HBS1L: variants seen among roughly 807,000 people sequenced by gnomAD.
HBS1L encodes HBS1-like protein.
HBS1L carries 55 observed loss-of-function variants against 88.9 expected under a neutral mutation model. The observed-to-expected ratio is 0.62, with a 90% CI of 0.50 to 0.77. The LOEUF is 0.77. Ranked by LOEUF, HBS1L falls within the 30% of genes least tolerant of loss-of-function variation. The probability of loss-of-function intolerance (pLI) is 0.00; values close to 1 mark genes in which losing one functional copy is unlikely to be tolerated. For synonymous variants in HBS1L, 267 were observed against 288.5 expected, an observed-to-expected ratio of 0.93 and a Z score of 0.76; for missense variants, 741 against 829.3, an observed-to-expected ratio of 0.89 and a Z score of 1.31.
chr6:135,005,611 A>C (rs577724107), intron 4 of HBS1L, among the ~76,000 whole-genome samples: 1 of 152,346 alleles, frequency 6.6e-6, no homozygotes, highest in Non-Finnish European at 1.5e-5. Flanking sequence ...GCAGAATAGC[A>C]GTAGAAAGGG....
At chr6:135,012,732 T>C (rs374862938) in intron 4 of HBS1L, among the ~76,000 whole-genome samples, 1 of 152,212 alleles carries the variant, frequency 6.6e-6, no homozygotes, top group Non-Finnish European at 1.5e-5. Flanking sequence ...TGCATGGCCA[T>C]GGCTCATCTA....
Position 135,000,614 on chromosome 6 carries a change from C to G in HBS1L, c.539+2120G>C, listed in dbSNP as rs114685396. On this transcript the variant is annotated intron_variant, in intron 5 of 17. Coordinates refer to ENST00000367837, the MANE Select transcript of HBS1L (RefSeq NM_006620.4). ...AAAAAGAAAGTTTGCTGTTTCATTT[C>G]CTTCCAAGCAATGCATTATGCACTA... 8.5e-3 allele frequency among the ~76,000 whole-genome samples: 1,291 copies of G among 152,010 alleles called. 10 individuals are homozygous for G. Among genetic ancestry groups the G allele is most frequent in the African/African-American group, 0.03 (1,228 of 41,500 alleles).
chr6:135,006,904 G>C (rs1242399168), intron 4 of HBS1L, among the ~76,000 whole-genome samples: 1 of 151,596 alleles, frequency 6.6e-6, no homozygotes, highest in Non-Finnish European at 1.5e-5. Context: ...TCTGTCAAAA[G>C]AAGAGGAAAA....
intron 8 of HBS1L, 69 bp downstream of exon 8, chr6:134,993,689 T>C (rs1583085068): frequency 5.0e-6 from 3 of 602,164 alleles, no homozygotes; most frequent in Non-Finnish European, 8.3e-6. Flanking sequence ...CCTAGAATTG[T>C]AACCTCAGCA....
intron 8 of HBS1L, among the ~76,000 whole-genome samples, chr6:134,992,755 TA>T (rs1165385888): frequency 6.6e-6 from 1 of 152,060 alleles, no homozygotes; most frequent in East Asian, 1.9e-4. Flanking sequence ...GTTTATAAAG[TA>T]AAAAAAGCTA....
chr6:135,038,444 CG>C (rs1328914616), intron 4 of HBS1L, among the ~76,000 whole-genome samples: 3 of 152,134 alleles, frequency 2.0e-5, no homozygotes, highest in Non-Finnish European at 4.4e-5. Context: ...AAACAACCCC[CG>C]GTAATTTCTA....
At position 134,969,292 on chromosome 6, in the gene HBS1L, C is replaced by T. The variant is rs1273878207; in HGVS notation, c.1844G>A (p.Arg615Gln). Reference protein sequence around the residue: ...QTVSEPAVIKRLISVLNKSTG... With the variant: ...QTVSEPAVIKQLISVLNKSTG... ...GCTTTTGTTTAAGACACTAATCAAT[C>T]GTTTAATAACGGCGGGTTCACTGAC... Residue 615 changes from arginine (R) to glutamine (Q), a missense_variant, in exon 16 of 18, where the codon CGA becomes CAA. Transcript: ENST00000367837. The T allele has an allele frequency of 1.2e-6, 2 of 1,613,826 alleles. No individual in the cohort carries two copies. The highest frequency in any genetic ancestry group is 1.7e-5 in the Admixed American group (1 of 60,030).
intron 1 of HBS1L, among the ~76,000 whole-genome samples, chr6:135,050,864 G>A (rs1777059820): frequency 6.6e-6 from 1 of 152,140 alleles, no homozygotes; most frequent in African/African-American, 2.4e-5. Context: ...TTCTTCAGTT[G>A]TTAAATTAAT....
chr6:135,026,457 A>G (rs11756988), intron 4 of HBS1L, among the ~76,000 whole-genome samples: 70,908 of 151,956 alleles, frequency 0.47, 16,863 homozygotes, highest in South Asian at 0.56. Context: ...CACAAATCGT[A>G]TCAAAATATG....
chr6:135,035,366 C>T (rs1192830196), intron 4 of HBS1L, among the ~76,000 whole-genome samples: 3 of 151,850 alleles, frequency 2.0e-5, no homozygotes, highest in Non-Finnish European at 4.4e-5. Flanking sequence ...AGGAGAATCA[C>T]TTGAACCCGG....
Position 134,978,679 on chromosome 6 carries a change from A to C in HBS1L, c.1797T>G (p.Pro599=). 1 of 1,513,128 alleles carries C rather than the reference A, an allele frequency of 6.6e-7. No individual in the cohort carries two copies. 93.7% of individuals were successfully genotyped at this position (1,513,128 alleles called of 1,614,324 possible). ...NIEIPITKGF[P]VLLHYQTVSE... The stretch of plus-strand genomic sequence containing the variant: ...AATAATAAAACATTTTGGAACTTAC[A>C]GGAAATCCTTTAGTGATAGGAATTT... Residue 599 remains proline (P), a splice_region_variant and synonymous_variant, in exon 15 of 18, where the codon CCT becomes CCG. Transcript: ENST00000367837.
At chr6:134,981,352 T>A (rs527484848) in intron 13 of HBS1L, among the ~76,000 whole-genome samples, 1 of 152,068 alleles carries the variant, frequency 6.6e-6, no homozygotes, top group Non-Finnish European at 1.5e-5. Context: ...TTACTTTTTA[T>A]CAAAACTGAA....
In HBS1L at chr6:135,054,663, T is replaced by C. The variant is rs1267524447; in HGVS notation, c.29A>G (p.Tyr10Cys). The change falls in exon 1 of 18, where the codon TAT (tyrosine) becomes TGT (cysteine). Residue 10 changes from tyrosine (Y) to cysteine (C), a missense_variant. By Grantham distance (194) the Tyr-to-Cys change is radical. Around this residue, in one of 3 missense-constraint regions of HBS1L, gnomAD observed 556 missense variants for 598.4 expected, o/e 0.93. Coordinates refer to ENST00000367837, the MANE Select transcript of HBS1L (RefSeq NM_006620.4). ...CTGCCACCTACCTTCATCGTAGTTA[T>C]AGCCTCGAACATTCCGATGCCGGGC... MARHRNVRG[Y>C]NYDEDFEDDD... is the part of the protein sequence containing the mutation. 1.2e-6 allele frequency: 2 copies of C among 1,614,270 alleles called. No individual in the cohort carries two copies. The highest frequency in any genetic ancestry group is 1.1e-5 in the South Asian group (1 of 91,092).
At chr6:134,986,714 A>C in intron 10 of HBS1L, 22 bp downstream of exon 10, 2 of 1,418,364 alleles carry the variant, frequency 1.4e-6, no homozygotes, top group Non-Finnish European at 1.9e-6. Context: ...AGTAATAACA[A>C]ATAAATCTAA....
At chr6:134,989,245 A>G (rs1009137703) in intron 8 of HBS1L, among the ~76,000 whole-genome samples, 51 of 152,170 alleles carry the variant, frequency 3.4e-4, no homozygotes, top group African/African-American at 1.2e-3. Context: ...CTGTAGGGGC[A>G]TTTTTTAAAG....
At chr6:135,013,357 T>G (rs1005110407) in intron 4 of HBS1L, among the ~76,000 whole-genome samples, 2 of 152,226 alleles carry the variant, frequency 1.3e-5, no homozygotes, top group Non-Finnish European at 2.9e-5. Flanking sequence ...AATTACTCTC[T>G]ACCTATCACA....
At chr6:135,023,183 G>A (rs961601945) in intron 4 of HBS1L, among the ~76,000 whole-genome samples, 38 of 151,924 alleles carry the variant, frequency 2.5e-4, no homozygotes, top group Non-Finnish European at 4.4e-4. Context: ...ACTGGCTCAC[G>A]CCTATAATCC....
rs192718389 is a variant in HBS1L at position 135,033,392 on chromosome 6, T to C, written c.430+6181A>G. Among the ~76,000 whole-genome samples the C allele has an allele frequency of 2.8e-3, 430 of 152,318 alleles. 2 individuals carry two copies. Among genetic ancestry groups the C allele is most frequent in the Middle Eastern group, 6.8e-3 (2 of 294 alleles). On this transcript the variant is annotated intron_variant, in intron 4 of 17. Transcript: ENST00000367837. The stretch of plus-strand genomic sequence containing the variant: ...ATGAATAAGCAGACACTTGGCTTTT[T>C]ACCAAGGATCGATGGCCAAGGGTGG...
intron 7 of HBS1L, among the ~76,000 whole-genome samples, chr6:134,996,367 G>A (rs747315461): frequency 1.3e-5 from 2 of 152,156 alleles, no homozygotes; most frequent in Admixed American, 6.5e-5. Context: ...ATTCTACACA[G>A]AAGAGGTTTT....
Sources: gnomAD v4.1 joint callset for allele counts (sites outside exome capture counted in the v4.1 genomes callset) on GRCh38, gnomAD v4.1.1 for gene constraint, gnomAD v4.1.1 regional missense constraint, MANE v1.5 for transcripts, NCBI Gene and HGNC (gene_info 2026-07-23, HGNC 2026-07-21) for gene names.